Variants in CFAP47 observed in about 807,000 individuals in gnomAD.
The protein encoded by CFAP47 is cilia- and flagella-associated protein 47.
Under a neutral mutation model 148.1 loss-of-function variants are expected in CFAP47, and 29 were observed. That is an observed-to-expected ratio of 0.20 (90% CI 0.15 to 0.27). The LOEUF (loss-of-function observed/expected upper bound fraction) is 0.27, where lower values mean the gene tolerates loss of function less well. Among genes scored for constraint, CFAP47 ranks in the 10% least tolerant of loss-of-function variants. The pLI, the probability that CFAP47 is intolerant of heterozygous loss-of-function variation, is 1.00. For missense variants in CFAP47, 1,872 were observed against 1,697.5 expected, an observed-to-expected ratio of 1.10 and a Z score of -1.81; for synonymous variants, 664 against 577.3, an observed-to-expected ratio of 1.15 and a Z score of -2.15.
chrX:36,287,094 AAAAC>A (rs1207409886), intron 51 of CFAP47, among the ~76,000 whole-genome samples: 24 of 111,779 alleles, frequency 2.1e-4, no homozygotes, highest in African/African-American at 5.8e-4. Context: ...GCAAAAAGCA[AAAAC>A]AAACAAACAA....
rs750013584 is a variant in CFAP47, at chrX:36,137,399, A to G, written c.5321-559A>G. ...TACTTCCTCTTTTTGTTCCAGACTC[A>G]GCGTAGTAATCATGTCTGTAATTGA... On this transcript the variant is annotated intron_variant, in intron 33 of 63. Coordinates refer to ENST00000378653, the MANE Select transcript of CFAP47 (RefSeq NM_001304548.2). Among the ~76,000 whole-genome samples the G allele has an allele frequency of 3.6e-5, 4 of 111,445 alleles. No individual in the cohort carries two copies. The East Asian group carries it at 1.1e-3, about 32-fold the overall frequency.
intron 57 of CFAP47, among the ~76,000 whole-genome samples, chrX:36,344,228 A>AAG: frequency 1.0e-5 from 1 of 98,049 alleles, no homozygotes; most frequent in African/African-American, 4.3e-5. Flanking sequence ...CTTAAAGTAT[A>AAG]ATAAAAAAAA....
At chrX:36,058,019 T>G (rs935291825) in intron 26 of CFAP47, among the ~76,000 whole-genome samples, 2 of 112,029 alleles carry the variant, frequency 1.8e-5, no homozygotes, top group Admixed American at 1.9e-4. Flanking sequence ...AAATAGTACT[T>G]CAGAATTCTA....
At chrX:36,309,317 T>A (rs1389561660) in intron 55 of CFAP47, among the ~76,000 whole-genome samples, 3 of 111,224 alleles carry the variant, frequency 2.7e-5, no homozygotes, top group Non-Finnish European at 5.7e-5. Flanking sequence ...TATGGAAAGT[T>A]CTGATTCTTC....
At chrX:35,989,292 C>CT in intron 15 of CFAP47, 27 bp from the exon 16 acceptor site, 1 of 1,067,754 alleles carries the variant, frequency 9.4e-7, no homozygotes, top group South Asian at 2.0e-5. Context: ...TGGAAAATGT[C>CT]TTATTTTCTC....
At chrX:36,316,383 A>T (rs1378255796) in intron 56 of CFAP47, among the ~76,000 whole-genome samples, 2 of 112,263 alleles carry the variant, frequency 1.8e-5, no homozygotes, top group African/African-American at 6.5e-5. Flanking sequence ...GCATAGAAAT[A>T]TTCTAAGGAG....
At chrX:36,132,348 C>T (rs1262752973) in intron 33 of CFAP47, among the ~76,000 whole-genome samples, 2 of 111,514 alleles carry the variant, frequency 1.8e-5, no homozygotes, top group Non-Finnish European at 3.8e-5. Context: ...GGTTCTGTCT[C>T]CAAAAAAAGA....
intron 39 of CFAP47, among the ~76,000 whole-genome samples, chrX:36,166,918 A>G (rs1396694953): frequency 9.0e-6 from 1 of 111,713 alleles, no homozygotes; most frequent in East Asian, 2.8e-4. Context: ...TGGTTTTGGC[A>G]GGGCTCCCTG....
chrX:36,134,610 A>T (rs891083530), intron 33 of CFAP47, among the ~76,000 whole-genome samples: 2 of 111,557 alleles, frequency 1.8e-5, no homozygotes, highest in African/African-American at 6.5e-5. Flanking sequence ...CCTATACCTC[A>T]CATCTCGTAC....
chrX:36,301,664 C>T (rs1454586191), intron 53 of CFAP47, among the ~76,000 whole-genome samples: 1 of 110,447 alleles, frequency 9.1e-6, no homozygotes, highest in Non-Finnish European at 1.9e-5. Context: ...TGTGTGTCTG[C>T]ATGCTTGTTT....
intron 39 of CFAP47, 111 bp downstream of exon 39, chrX:36,160,880 C>CTTA: frequency 4.3e-6 from 1 of 232,722 alleles, no homozygotes. Flanking sequence ...GAGACAGTCT[C>CTTA]GCTCTGTGGT....
At chrX:36,207,599 T>C (rs1156662331) in intron 45 of CFAP47, among the ~76,000 whole-genome samples, 1 of 111,888 alleles carries the variant, frequency 8.9e-6, no homozygotes, top group Non-Finnish European at 1.9e-5. Context: ...TTTTTTACTT[T>C]TTTGACCCCC....
chrX:36,177,815 G>A (rs1012513665), intron 39 of CFAP47, among the ~76,000 whole-genome samples: 1 of 111,821 alleles, frequency 8.9e-6, no homozygotes. Flanking sequence ...ATTTGATCCA[G>A]CAATCGTAAT....
chrX:36,182,280 C>G (rs1239199388), intron 40 of CFAP47, among the ~76,000 whole-genome samples: 1 of 111,771 alleles, frequency 8.9e-6, no homozygotes, highest in African/African-American at 3.3e-5. Context: ...CAAAACCTAG[C>G]TGGAGGAAAG....
chrX:36,330,396 A>T (rs1250832648), intron 57 of CFAP47, among the ~76,000 whole-genome samples: 1 of 112,104 alleles, frequency 8.9e-6, no homozygotes, highest in African/African-American at 3.2e-5. Context: ...ACATAGCTAG[A>T]ACATGTTTTT....
intron 23 of CFAP47, among the ~76,000 whole-genome samples, chrX:36,031,585 T>C (rs1297378520): frequency 9.1e-6 from 1 of 110,087 alleles, no homozygotes; most frequent in Non-Finnish European, 1.9e-5. Context: ...TATAAATACA[T>C]ATACGCATAT....
At chrX:36,158,856 C>T (rs1371899126) in intron 37 of CFAP47, among the ~76,000 whole-genome samples, 1 of 111,503 alleles carries the variant, frequency 9.0e-6, no homozygotes, top group Non-Finnish European at 1.9e-5. Context: ...CATTTTCCTA[C>T]AGACTGGTGA....
chrX:36,373,979 G>T (rs1319636257), intron 62 of CFAP47, among the ~76,000 whole-genome samples: 2 of 111,221 alleles, frequency 1.8e-5, no homozygotes, highest in African/African-American at 6.5e-5. Flanking sequence ...CTGTATTGAT[G>T]ATTTTTGCTT....
intron 39 of CFAP47, among the ~76,000 whole-genome samples, chrX:36,169,060 A>G (rs1939531872): frequency 9.1e-6 from 1 of 110,282 alleles, no homozygotes. Context: ...TACTTCATCA[A>G]CTCGATTTCT....
Sources: gnomAD v4.1 joint callset for allele counts (sites outside exome capture counted in the v4.1 genomes callset) on GRCh38, gnomAD v4.1.1 for gene constraint, MANE v1.5 for transcripts, NCBI Gene and HGNC (gene_info 2026-07-23, HGNC 2026-07-21) for gene names.